The following MAPK10 variants were observed in gnomAD, a reference collection of about 807,000 sequenced individuals.
The protein encoded by MAPK10 is mitogen-activated protein kinase 10.
Under a neutral mutation model 59.3 loss-of-function variants are expected in MAPK10, and 25 were observed. The ratio of observed to expected loss-of-function variants is 0.42; its 90% CI spans 0.31 to 0.59. The LOEUF (loss-of-function observed/expected upper bound fraction) is 0.59. MAPK10 is among the 20% of genes least tolerant of loss of function. MAPK10 has a pLI of 0.15. For synonymous variants in MAPK10, 190 were observed against 200.5 expected, an observed-to-expected ratio of 0.95 and a Z score of 0.44; for missense variants, 351 against 568.9, an observed-to-expected ratio of 0.62 and a Z score of 3.90.
chr4:86,094,221 A>G (rs2053794929), intron 9 of MAPK10, among the ~76,000 whole-genome samples: 1 of 152,006 alleles, frequency 6.6e-6, no homozygotes, highest in Non-Finnish European at 1.5e-5. Flanking sequence ...TACAGCATTC[A>G]GTTAATTTGA....
intron 1 of MAPK10, among the ~76,000 whole-genome samples, chr4:86,532,504 T>A (rs941794959): frequency 3.9e-5 from 6 of 152,210 alleles, no homozygotes; most frequent in Admixed American, 3.9e-4. Context: ...TCCAAAAGCA[T>A]GTTGTGGTTT....
At chr4:86,110,626 G>C (rs1215170177) in intron 4 of MAPK10, among the ~76,000 whole-genome samples, 1 of 152,110 alleles carries the variant, frequency 6.6e-6, no homozygotes, top group Non-Finnish European at 1.5e-5. Flanking sequence ...TGCTGTTTTG[G>C]TTATTGCAGC....
At chr4:86,135,544 C>T (rs1040054183) in intron 4 of MAPK10, among the ~76,000 whole-genome samples, 2 of 152,110 alleles carry the variant, frequency 1.3e-5, no homozygotes, top group Non-Finnish European at 2.9e-5. Context: ...TGTACATCAC[C>T]ATCATCAAAG....
rs545699360 is a variant in MAPK10 at position 86,136,765 on chromosome 4, A to T, written c.236+22533T>A. Among the ~76,000 whole-genome samples the T allele has an allele frequency of 2.4e-3, 371 of 151,682 alleles. 1 individual carries two copies. Among genetic ancestry groups the T allele is most frequent in the Non-Finnish European group, 4.5e-3 (309 of 68,026 alleles). On this transcript the variant is annotated intron_variant, in intron 4 of 13. Coordinates refer to ENST00000641462, the MANE Select transcript of MAPK10 (RefSeq NM_138982.4). ...AAATTGGATAAAGAGTCAAGACCCA[A>T]CAGTGTGCTGTATTCAGGAAACCCA...
intron 2 of MAPK10, among the ~76,000 whole-genome samples, chr4:86,197,258 T>C (rs937551524): frequency 1.3e-5 from 2 of 152,194 alleles, no homozygotes; most frequent in Non-Finnish European, 1.5e-5. Flanking sequence ...ATAGTTCTCC[T>C]TGCTCTTCAA....
At chr4:86,269,203 A>G (rs1036140593) in intron 2 of MAPK10, among the ~76,000 whole-genome samples, 1 of 152,186 alleles carries the variant, frequency 6.6e-6, no homozygotes, top group Non-Finnish European at 1.5e-5. Context: ...ATAGACACAA[A>G]CTACATAAAT....
intron 13 of MAPK10, chr4:86,024,209 T>G (rs1748986418): frequency 6.6e-6 from 1 of 151,976 alleles, no homozygotes; most frequent in Non-Finnish European, 1.5e-5. Flanking sequence ...AATTTGATGT[T>G]TACAAATAAA....
At chr4:86,217,318 A>T (rs186883817) in intron 2 of MAPK10, among the ~76,000 whole-genome samples, 1 of 152,328 alleles carries the variant, frequency 6.6e-6, no homozygotes. Context: ...ATATAGAGAA[A>T]TAAGATTTTT....
At position 86,017,055 on chromosome 4, in the gene MAPK10, C is replaced by A; in HGVS notation, c.*173G>T. On this transcript the variant is annotated 3_prime_UTR_variant, in exon 14 of 14. Coordinates refer to ENST00000641462, the MANE Select transcript of MAPK10 (RefSeq NM_138982.4). The surrounding 1 kb of genome is among the most constrained non-coding windows in gnomAD (Gnocchi z 4.4). Reference sequence around the variant, plus strand: ...ATTTGAGCTTAGCTGCAATACAGAACCCTGGGGAAGAAGCAGGCTGAAAGA... The same window carrying A: ...ATTTGAGCTTAGCTGCAATACAGAAACCTGGGGAAGAAGCAGGCTGAAAGA... 1 of 684,444 alleles carries A rather than the reference C, an allele frequency of 1.5e-6. No individual in the cohort carries two copies. The highest frequency in any genetic ancestry group is 2.8e-5 in the East Asian group (1 of 35,498). The allele number at this position is 684,444 out of a possible 1,614,324, so 42.4% of individuals were successfully genotyped here.
At position 86,058,060 on chromosome 4, in the gene MAPK10, G is replaced by A. The variant is rs145563601; in HGVS notation, c.1110+6206C>T. ...CAGTGGAAACCCCAATGAGAAATAC[G>A]CTTCTGCCAAGACTATCAGGTTGGT... is the stretch of plus-strand genomic sequence containing the variant. On this transcript the variant is annotated intron_variant, in intron 11 of 13. Coordinates refer to ENST00000641462, the MANE Select transcript of MAPK10 (RefSeq NM_138982.4). Among the ~76,000 whole-genome samples, 341 of 149,810 alleles carry A rather than the reference G, an allele frequency of 2.3e-3. 30 individuals carry two copies. Among genetic ancestry groups the A allele is most frequent in the African/African-American group, 8.1e-3 (325 of 39,970 alleles).
intron 1 of MAPK10, among the ~76,000 whole-genome samples, chr4:86,502,745 T>C (rs990168864): frequency 1.3e-5 from 2 of 152,152 alleles, no homozygotes; most frequent in African/African-American, 4.8e-5. Flanking sequence ...AGAGTTCTTA[T>C]TTAGTTTGAT....
intron 1 of MAPK10, among the ~76,000 whole-genome samples, chr4:86,506,218 G>T (rs1485940508): frequency 6.6e-6 from 1 of 152,058 alleles, no homozygotes; most frequent in African/African-American, 2.4e-5. Flanking sequence ...TAATACCAAG[G>T]AATCTTTTAT....
At chr4:86,492,152 G>A (rs1247484085) in intron 1 of MAPK10, among the ~76,000 whole-genome samples, 3 of 152,132 alleles carry the variant, frequency 2.0e-5, no homozygotes, top group Non-Finnish European at 2.9e-5. Flanking sequence ...TTTTCTAAGG[G>A]TAAGAGAAGT....
chr4:86,111,396 G>C (rs555766502), intron 4 of MAPK10, among the ~76,000 whole-genome samples: 1 of 152,092 alleles, frequency 6.6e-6, no homozygotes, highest in African/African-American at 2.4e-5. Context: ...TTTGAGGTAT[G>C]TTCCTTCAAT....
At chr4:86,047,329 G>A (rs2148952513) in intron 11 of MAPK10, among the ~76,000 whole-genome samples, 1 of 152,186 alleles carries the variant, frequency 6.6e-6, no homozygotes, top group African/African-American at 2.4e-5. Flanking sequence ...AGTAAAGGAG[G>A]GAGCAATGTG....
rs1323778654 is a variant in MAPK10, at chr4:86,026,596, A to G, written c.1252+2601T>C. ...AAGCATCGCATAACATGGGTTTCGTATTAGAAGTACTTGGCCCCTGAGATA... is the reference window on the plus strand; with the variant it reads ...AAGCATCGCATAACATGGGTTTCGTGTTAGAAGTACTTGGCCCCTGAGATA... On this transcript the variant is annotated intron_variant, in intron 13 of 13. Coordinates refer to ENST00000641462, the MANE Select transcript of MAPK10 (RefSeq NM_138982.4). 2.0e-5 allele frequency: 3 copies of G among 152,228 alleles called. No homozygotes were observed. The East Asian group carries it at 5.8e-4, about 29-fold the overall frequency. 9.4% of individuals were successfully genotyped at this position (152,228 alleles called of 1,614,324 possible). A position where few individuals can be genotyped will look rare whatever the true frequency, so the allele number is the denominator to read the frequency against.
chr4:86,209,493 A>C (rs768544202), intron 2 of MAPK10, among the ~76,000 whole-genome samples: 37 of 152,042 alleles, frequency 2.4e-4, no homozygotes, highest in Admixed American at 3.9e-4. Context: ...GAAAGCCCAC[A>C]CCAATCAGAA....
intron 1 of MAPK10, chr4:86,358,976 C>T (rs1024705770): frequency 3.3e-5 from 5 of 152,058 alleles, no homozygotes; most frequent in Admixed American, 6.5e-5. Context: ...AATGTTTCCT[C>T]TTATCTCTAA....
chr4:86,295,235 C>T (rs1009884054), intron 2 of MAPK10, among the ~76,000 whole-genome samples: 3 of 152,166 alleles, frequency 2.0e-5, no homozygotes, highest in South Asian at 2.1e-4. Flanking sequence ...TCGGGCCCCA[C>T]GCCCTCTGCC....
Sources: gnomAD v4.1 joint callset for allele counts (sites outside exome capture counted in the v4.1 genomes callset) on GRCh38, gnomAD v4.1.1 for gene constraint, Gnocchi (gnomAD v3.1) non-coding constraint, MANE v1.5 for transcripts, NCBI Gene and HGNC (gene_info 2026-07-23, HGNC 2026-07-21) for gene names.